RNF125: variants seen among roughly 807,000 people sequenced by gnomAD.
RNF125 encodes the protein E3 ubiquitin-protein ligase RNF125.
Under a neutral mutation model 26.0 loss-of-function variants are expected in RNF125, and 21 were observed. That is an observed-to-expected ratio of 0.81 (90% CI 0.57 to 1.16). RNF125 has a LOEUF of 1.16. Among genes scored for constraint, RNF125 ranks in the 50% most tolerant of loss-of-function variants. RNF125 has a pLI of 0.00. For synonymous variants in RNF125, 95 were observed against 109.2 expected (o/e 0.87, Z 0.81); for missense variants, 270 against 299.4 (o/e 0.90, Z 0.72).
chr18:32,079,653 AT>A, the RNF125 span, among the ~76,000 whole-genome samples: 4 of 152,210 alleles, frequency 2.6e-5, no homozygotes, highest in Non-Finnish European at 4.4e-5. Flanking sequence ...TTGTAGTTTG[AT>A]ATGCTTACAC....
intron 1 of RNF125, among the ~76,000 whole-genome samples, chr18:32,032,945 C>T (rs972380896): frequency 2.0e-5 from 3 of 152,192 alleles, no homozygotes; most frequent in African/African-American, 7.2e-5. Context: ...TGAGGGTTGA[C>T]ATTTCACATT....
chr18:32,081,749 C>T, the RNF125 span, among the ~76,000 whole-genome samples: 9 of 152,174 alleles, frequency 5.9e-5, no homozygotes, highest in African/African-American at 1.7e-4. Context: ...TAAACTTTCT[C>T]TGTTCAAATT....
At chr18:32,056,338 G>A (rs769472225) in intron 4 of RNF125, among the ~76,000 whole-genome samples, 9 of 152,204 alleles carry the variant, frequency 5.9e-5, no homozygotes, top group African/African-American at 1.4e-4. Context: ...CTGGCCTGGC[G>A]TGGTGGCTCC....
At chr18:32,083,914 A>T in the RNF125 span, among the ~76,000 whole-genome samples, 2 of 152,078 alleles carry the variant, frequency 1.3e-5, no homozygotes, top group South Asian at 4.1e-4. Context: ...GAAAAAAAAA[A>T]TGTGGAGTAA....
Position 32,072,092 on chromosome 18 carries a change from T to A in RNF125, c.*3708T>A, listed in dbSNP as rs2144525094. On this transcript the variant is annotated 3_prime_UTR_variant, in exon 6 of 6. Coordinates refer to ENST00000217740, the MANE Select transcript of RNF125 (RefSeq NM_017831.4). ...GATGCACACCTTTAGTTTCAGCTAC[T>A]AAGGAGGCTGAGGTTGGAGGATCAC... 1.3e-5 allele frequency: 2 copies of A among 152,328 alleles called. No homozygotes were observed. The highest frequency in any genetic ancestry group is 4.1e-4 in the South Asian group (2 of 4,824). 9.4% of individuals were successfully genotyped at this position (152,328 alleles called of 1,614,324 possible).
At chr18:32,079,924 A>G in the RNF125 span, among the ~76,000 whole-genome samples, 51 of 152,372 alleles carry the variant, frequency 3.3e-4, no homozygotes, top group African/African-American at 1.1e-3. Context: ...ACAGTGTAGT[A>G]ATCTGCTACA....
intron 1 of RNF125, among the ~76,000 whole-genome samples, chr18:32,025,944 CA>C (rs2039030269): frequency 6.7e-6 from 1 of 149,896 alleles, no homozygotes; most frequent in African/African-American, 2.5e-5. Flanking sequence ...GTCTGAGGAA[CA>C]AAAAAAGGTC....
intron 4 of RNF125, among the ~76,000 whole-genome samples, chr18:32,054,907 TATCTA>T (rs1421315908): frequency 6.6e-6 from 1 of 152,184 alleles, no homozygotes; most frequent in Non-Finnish European, 1.5e-5. Flanking sequence ...AAATATATAT[TATCTA>T]ATCTGCAAAG....
chr18:32,062,950 TG>T (rs1027920270), intron 4 of RNF125, among the ~76,000 whole-genome samples: 68 of 152,064 alleles, frequency 4.5e-4, no homozygotes, highest in African/African-American at 1.6e-3. Flanking sequence ...CCGGGTGGGG[TG>T]GCTCATGCTT....
intron 5 of RNF125, among the ~76,000 whole-genome samples, chr18:32,066,478 T>G (rs1178257335): frequency 1.3e-5 from 2 of 151,326 alleles, no homozygotes; most frequent in African/African-American, 4.9e-5. Flanking sequence ...AAAAATGAAA[T>G]GCAATTTCAA....
At chr18:32,045,807 A>C in intron 4 of RNF125, 75 bp downstream of exon 4, 1 of 850,200 alleles carries the variant, frequency 1.2e-6, no homozygotes, top group Admixed American at 2.0e-5. Context: ...TAATAGATTT[A>C]TATTTATAGA....
rs1378628596 is a variant in RNF125 at position 32,068,187 on chromosome 18, G to A, written c.613-111G>A. On this transcript the variant is annotated intron_variant, in intron 5 of 5. Coordinates refer to ENST00000217740, the MANE Select transcript of RNF125 (RefSeq NM_017831.4). ...ACAGGCTTTGTGGAACCTTGGACAA[G>A]TCTCGTAACTTTAGTTCCCTACAAA... 5.1e-6 allele frequency: 3 copies of A among 586,172 alleles called. No homozygotes were observed. The African/African-American group carries it at 5.6e-5, about 11-fold the overall frequency. The allele number at this position is 586,172 out of a possible 1,614,324, so 36.3% of individuals were successfully genotyped here.
intron 1 of RNF125, chr18:32,031,309 G>C (rs910468403): frequency 6.6e-6 from 1 of 151,760 alleles, no homozygotes; most frequent in Non-Finnish European, 1.5e-5. Context: ...TTGGCACGTT[G>C]CTACACTACT....
At chr18:32,060,569 C>A (rs1158228449) in intron 4 of RNF125, among the ~76,000 whole-genome samples, 1 of 152,074 alleles carries the variant, frequency 6.6e-6, no homozygotes, top group Non-Finnish European at 1.5e-5. Context: ...AGTAGTATAG[C>A]CTGGGAGCAT....
At position 32,062,319 on chromosome 18, in the gene RNF125, C is replaced by T. The variant is rs1014787057; in HGVS notation, c.505-3583C>T. ...TTCTATAAGCAGGTTCCTTCTCCCA[C>T]ACTACAAATATTAATAGTGCTCTTT... On this transcript the variant is annotated intron_variant, in intron 4 of 5. Coordinates refer to ENST00000217740, the MANE Select transcript of RNF125 (RefSeq NM_017831.4). 5.5e-4 allele frequency among the ~76,000 whole-genome samples: 83 copies of T among 152,166 alleles called. 6 individuals carry two copies. The highest frequency in any genetic ancestry group is 1.5e-5 in the Non-Finnish European group (1 of 68,020).
chr18:32,080,960 G>A, the RNF125 span, among the ~76,000 whole-genome samples: 1 of 152,296 alleles, frequency 6.6e-6, no homozygotes, highest in Non-Finnish European at 1.5e-5. Flanking sequence ...GCTGAGGCAG[G>A]CGGATCACGA....
intron 4 of RNF125, among the ~76,000 whole-genome samples, chr18:32,046,214 CAAAAAAAA>C (rs768054716): frequency 1.3e-5 from 1 of 76,176 alleles, no homozygotes; most frequent in African/African-American, 5.6e-5. Context: ...AAGACTGTCT[CAAAAAAAA>C]AAAAAAAAAA....
chr18:32,080,687 G>C, the RNF125 span, among the ~76,000 whole-genome samples: 1 of 152,190 alleles, frequency 6.6e-6, no homozygotes, highest in Non-Finnish European at 1.5e-5. Context: ...TAACGCTACT[G>C]TCTTATACAC....
Position 32,055,790 on chromosome 18 carries a change from G to T in RNF125, c.504+10058G>T, listed in dbSNP as rs532631209. Among the ~76,000 whole-genome samples, 35 of 151,980 alleles carry T rather than the reference G, an allele frequency of 2.3e-4. 1 individual carries two copies. The East Asian group carries it at 2.7e-3, about 12-fold the overall frequency. ...GAGGTGGGTAGTTTGAGACCAGCCT[G>T]ACCAACATGGAGAAATCCGTCTCTA... is the stretch of plus-strand genomic sequence containing the variant. On this transcript the variant is annotated intron_variant, in intron 4 of 5. Transcript: ENST00000217740.
Sources: allele counts gnomAD v4.1 joint callset (sites outside exome capture counted in the v4.1 genomes callset), GRCh38; gene constraint gnomAD v4.1.1; transcripts MANE v1.5; gene names NCBI Gene and HGNC (gene_info 2026-07-23, HGNC 2026-07-21).